The following SEMA5B variants were observed in gnomAD, a reference collection of about 807,000 sequenced individuals.
The protein encoded by SEMA5B is semaphorin-5B.
A neutral mutation model predicts 135.0 loss-of-function variants in SEMA5B; 66 were observed. That is an observed-to-expected ratio of 0.49 (90% confidence interval 0.40 to 0.60). SEMA5B has a LOEUF of 0.60. SEMA5B is among the 20% of genes least tolerant of loss of function. The pLI is 0.00. For synonymous variants in SEMA5B, 690 were observed against 639.5 expected (o/e 1.08, Z -1.19); for missense variants, 1,501 against 1,566.3 (o/e 0.96, Z 0.70).
intron 5 of SEMA5B, among the ~76,000 whole-genome samples, chr3:122,933,653 C>G (rs955973248): frequency 6.6e-6 from 1 of 152,094 alleles, no homozygotes; most frequent in Non-Finnish European, 1.5e-5. Context: ...CCTCTGTTCT[C>G]TTTTTGGAAC....
chr3:123,001,099 T>C (rs1466173344), intron 1 of SEMA5B, among the ~76,000 whole-genome samples: 1 of 152,022 alleles, frequency 6.6e-6, no homozygotes, highest in East Asian at 1.9e-4. Flanking sequence ...CCCAGCAAGA[T>C]GTGGCAAGGG....
chr3:122,972,621 G>T (rs1359339544), intron 1 of SEMA5B, among the ~76,000 whole-genome samples: 1 of 152,222 alleles, frequency 6.6e-6, no homozygotes, highest in Non-Finnish European at 1.5e-5. Flanking sequence ...CAGCACTGGG[G>T]AGAGAGACCC....
chr3:122,912,681 A>G (rs1937799906), intron 18 of SEMA5B, among the ~76,000 whole-genome samples, 162 bp downstream of exon 18: 1 of 151,266 alleles, frequency 6.6e-6, no homozygotes, highest in Non-Finnish European at 1.5e-5. Context: ...CATTGCATCT[A>G]CGGCCGGGGC....
chr3:122,928,763 C>T (rs76653630), intron 6 of SEMA5B, 148 bp from the exon 7 acceptor site: 95,898 of 722,714 alleles, frequency 0.13, 6,993 homozygotes, highest in Middle Eastern at 0.18. Context: ...GTCCGGGTCA[C>T]GTCTGTGGAC....
chr3:122,954,231 C>G (rs985781753), intron 2 of SEMA5B, among the ~76,000 whole-genome samples: 1 of 152,196 alleles, frequency 6.6e-6, no homozygotes, highest in Admixed American at 6.5e-5. Flanking sequence ...GGGCAGTTCT[C>G]TGCTACCTGC....
intron 1 of SEMA5B, among the ~76,000 whole-genome samples, chr3:122,987,415 C>A (rs2107704131): frequency 6.6e-6 from 1 of 152,310 alleles, no homozygotes; most frequent in East Asian, 1.9e-4. Flanking sequence ...ATCCTGCTAT[C>A]AGCACCCCAC....
At chr3:122,967,942 A>G (rs6438774) in intron 1 of SEMA5B, among the ~76,000 whole-genome samples, 78,042 of 152,130 alleles carry the variant, frequency 0.51, 21,696 homozygotes, top group East Asian at 0.72. Context: ...CTGCGTGCAC[A>G]AGAGACCATG....
chr3:123,008,618 G>A (rs1013039959), intron 1 of SEMA5B, among the ~76,000 whole-genome samples: 1 of 152,166 alleles, frequency 6.6e-6, no homozygotes, highest in Admixed American at 6.5e-5. Context: ...TTGAGAAGAT[G>A]TCAACAATGT....
intron 1 of SEMA5B, among the ~76,000 whole-genome samples, chr3:122,997,530 C>T (rs948825844): frequency 6.6e-6 from 1 of 151,940 alleles, no homozygotes. Context: ...CCCCCCCCGT[C>T]TCCACCAGGG....
At chr3:123,015,276 G>A (rs547508342) in intron 1 of SEMA5B, among the ~76,000 whole-genome samples, 1 of 152,320 alleles carries the variant, frequency 6.6e-6, no homozygotes, top group South Asian at 2.1e-4. Context: ...AGGTAAAATT[G>A]GGAAGATGTG....
At chr3:122,976,222 A>G in intron 1 of SEMA5B, 1 of 1,419,806 alleles carries the variant, frequency 7.0e-7, no homozygotes, top group Non-Finnish European at 9.4e-7. Flanking sequence ...CAGCATCTGC[A>G]CCTCCTGGGA....
At chr3:122,945,894 T>A (rs1416436141) in intron 3 of SEMA5B, among the ~76,000 whole-genome samples, 3 of 150,704 alleles carry the variant, frequency 2.0e-5, no homozygotes, top group East Asian at 2.0e-4. Context: ...CCAGTAGCCC[T>A]CACCCACATG....
chr3:122,946,054 G>T (rs948416178), intron 3 of SEMA5B, among the ~76,000 whole-genome samples: 1 of 152,208 alleles, frequency 6.6e-6, no homozygotes, highest in Non-Finnish European at 1.5e-5. Context: ...AGCACGTTCC[G>T]AGCTCTGTGT....
chr3:122,938,067 G>T (rs959366100), intron 5 of SEMA5B, among the ~76,000 whole-genome samples: 11 of 152,222 alleles, frequency 7.2e-5, no homozygotes, highest in Admixed American at 2.6e-4. Context: ...AACTTCCCCT[G>T]CCTTGCTCCA....
intron 5 of SEMA5B, among the ~76,000 whole-genome samples, chr3:122,934,395 G>GT (rs928888335): frequency 3.3e-5 from 5 of 152,172 alleles, no homozygotes; most frequent in African/African-American, 1.2e-4. Flanking sequence ...ATTGAATGAA[G>GT]TTTTTAGCTC....
At chr3:122,998,532 C>T (rs921907124) in intron 1 of SEMA5B, among the ~76,000 whole-genome samples, 3 of 152,138 alleles carry the variant, frequency 2.0e-5, no homozygotes, top group East Asian at 1.9e-4. Flanking sequence ...TGGAAATGGA[C>T]GGAAGGCTGG....
chr3:123,008,306 A>G (rs1239728188), intron 1 of SEMA5B, among the ~76,000 whole-genome samples: 1 of 152,182 alleles, frequency 6.6e-6, no homozygotes, highest in Non-Finnish European at 1.5e-5. Flanking sequence ...TGTTTTTTCT[A>G]TCTCCCCTGC....
At chr3:122,936,132 C>A (rs140965660) in intron 5 of SEMA5B, among the ~76,000 whole-genome samples, 1 of 152,138 alleles carries the variant, frequency 6.6e-6, no homozygotes, top group African/African-American at 2.4e-5. Context: ...TGGAGAGAGA[C>A]GTGTCTGATC....
At chr3:122,960,122 G>A (rs1246999380) in intron 2 of SEMA5B, among the ~76,000 whole-genome samples, 1 of 152,134 alleles carries the variant, frequency 6.6e-6, no homozygotes, top group Non-Finnish European at 1.5e-5. Flanking sequence ...TCAAAAACAG[G>A]CAGCAAATCC....
Sources: allele counts gnomAD v4.1 joint callset (sites outside exome capture counted in the v4.1 genomes callset), GRCh38; gene constraint gnomAD v4.1.1; transcripts MANE v1.5; gene names NCBI Gene and HGNC (gene_info 2026-07-23, HGNC 2026-07-21).